The following SLC6A5 variants were observed in gnomAD, a reference collection of about 807,000 sequenced individuals.
SLC6A5 encodes sodium- and chloride-dependent glycine transporter 2.
In SLC6A5, 58 loss-of-function variants were observed where a neutral mutation model predicts 90.5. That is an observed-to-expected ratio of 0.64 (90% CI 0.52 to 0.80). The LOEUF (loss-of-function observed/expected upper bound fraction) is 0.80, where lower values mean the gene tolerates loss of function less well. Ranked by LOEUF, SLC6A5 falls within the 30% of genes least tolerant of loss-of-function variation. SLC6A5 has a pLI of 0.00. For missense variants in SLC6A5, 1,015 were observed against 1,017.6 expected, an observed-to-expected ratio of 1.00 and a Z score of 0.03; for synonymous variants, 427 against 401.4, an observed-to-expected ratio of 1.06 and a Z score of -0.76.
At chr11:20,602,750 T>G (rs557079719) in intron 2 of SLC6A5, among the ~76,000 whole-genome samples, 40 of 152,326 alleles carry the variant, frequency 2.6e-4, no homozygotes, top group African/African-American at 8.9e-4. Context: ...TAGCAGGAGC[T>G]TGTGGTGTCA....
chr11:20,617,794 C>T lies in SLC6A5; in HGVS notation c.1170C>T (p.Gly390=), dbSNP rs369546941. The T allele has an allele frequency of 1.9e-5, 31 of 1,614,038 alleles. No individual in the cohort carries two copies. The highest frequency in any genetic ancestry group is 3.3e-5 in the South Asian group (3 of 91,084). ...LKISAGIEYP[G]EIRWPLALCL... is the part of the protein sequence containing the mutation. Reference sequence around the variant, plus strand: ...TTTCTGCAGGGATTGAATATCCTGGCGAGATCAGGTGGCCACTAGCTCTCT... The same window carrying T: ...TTTCTGCAGGGATTGAATATCCTGGTGAGATCAGGTGGCCACTAGCTCTCT... The change falls in exon 7 of 16, where the codon GGC becomes GGT. Residue 390 remains glycine (G), a synonymous_variant. Transcript: ENST00000525748.
intron 13 of SLC6A5, among the ~76,000 whole-genome samples, chr11:20,640,115 G>A (rs1215583375): frequency 6.6e-6 from 1 of 152,180 alleles, no homozygotes; most frequent in Non-Finnish European, 1.5e-5. Context: ...AGCCTCCAAG[G>A]TCTTTCTTTG....
chr11:20,602,299 G>A (rs1427344521), intron 2 of SLC6A5, among the ~76,000 whole-genome samples: 4 of 151,984 alleles, frequency 2.6e-5, no homozygotes, highest in African/African-American at 9.7e-5. Flanking sequence ...TCCCTCAATT[G>A]TATAAGCTTC....
At chr11:20,649,179 A>G (rs531882289) in intron 14 of SLC6A5, among the ~76,000 whole-genome samples, 3 of 152,214 alleles carry the variant, frequency 2.0e-5, no homozygotes, top group Non-Finnish European at 4.4e-5. Context: ...TTCCTCAACT[A>G]TGTTGTGCTT....
chr11:20,610,500 G>A (rs1173675197), intron 5 of SLC6A5, among the ~76,000 whole-genome samples: 1 of 152,222 alleles, frequency 6.6e-6, no homozygotes, highest in Non-Finnish European at 1.5e-5. Context: ...GAGATTTGGT[G>A]TTTGCCCTCG....
chr11:20,636,267 A>G, intron 10 of SLC6A5, 40 bp from the exon 11 acceptor site: 1 of 1,277,040 alleles, frequency 7.8e-7, no homozygotes, highest in Non-Finnish European at 1.1e-6. Flanking sequence ...AGCAGCCTTG[A>G]GTAGGGCCTG....
chr11:20,607,385 G>A, intron 4 of SLC6A5, 94 bp from the exon 5 acceptor site: 9 of 1,412,440 alleles, frequency 6.4e-6, no homozygotes, highest in Non-Finnish European at 9.0e-6. Flanking sequence ...TTCTGTACAA[G>A]AGAGCCTAGA....
chr11:20,627,511 A>G (rs1201623470), intron 8 of SLC6A5, among the ~76,000 whole-genome samples: 2 of 152,250 alleles, frequency 1.3e-5, no homozygotes, highest in South Asian at 2.1e-4. Context: ...ACGTGACACT[A>G]TAAAGTCTGC....
intron 9 of SLC6A5, among the ~76,000 whole-genome samples, chr11:20,629,966 A>G (rs1853076922): frequency 6.6e-6 from 1 of 151,998 alleles, no homozygotes; most frequent in Non-Finnish European, 1.5e-5. Flanking sequence ...CAGGTGATCC[A>G]CCTGCCTTGG....
At chr11:20,652,211 A>G in intron 14 of SLC6A5, 78 bp from the exon 15 acceptor site, 1 of 1,308,930 alleles carries the variant, frequency 7.6e-7, no homozygotes, top group Non-Finnish European at 1.1e-6. Flanking sequence ...TCAAACTCAT[A>G]ACGGGGGTTT....
chr11:20,652,961 G>A (rs548492459), intron 15 of SLC6A5, among the ~76,000 whole-genome samples: 6 of 152,324 alleles, frequency 3.9e-5, no homozygotes, highest in African/African-American at 1.4e-4. Flanking sequence ...ACAGAATGTA[G>A]TGAGAATTTC....
intron 9 of SLC6A5, among the ~76,000 whole-genome samples, chr11:20,630,377 G>A (rs576385330): frequency 3.9e-5 from 6 of 152,304 alleles, no homozygotes; most frequent in African/African-American, 1.4e-4. Context: ...TCAAATTGTG[G>A]ATTAAGTTTC....
intron 1 of SLC6A5, 95 bp downstream of exon 1, chr11:20,599,770 C>A: frequency 1.4e-6 from 2 of 1,445,084 alleles, no homozygotes; most frequent in Non-Finnish European, 1.9e-6. Context: ...GATGTCTGTG[C>A]ATTGGGTGGG....
chr11:20,626,185 A>C (rs1310609716), intron 7 of SLC6A5, among the ~76,000 whole-genome samples: 1 of 152,230 alleles, frequency 6.6e-6, no homozygotes, highest in Non-Finnish European at 1.5e-5. Flanking sequence ...TAAATGTCTA[A>C]GGTCACACAG....
Position 20,639,047 on chromosome 11 carries a change from T to A in SLC6A5, c.1969+489T>A, listed in dbSNP as rs544949100. On this transcript the variant is annotated intron_variant, in intron 13 of 15. Coordinates refer to ENST00000525748, the MANE Select transcript of SLC6A5 (RefSeq NM_004211.5). ...AGCATCATAGGAGCCTGTGATGCAA[T>A]ATCTCAATCTCAGATTTTTCCAGGA... Among the ~76,000 whole-genome samples, 13 of 152,282 alleles carry A rather than the reference T, an allele frequency of 8.5e-5. No homozygotes were observed. In the South Asian group the frequency reaches 2.7e-3, roughly 32 times the overall value.
At chr11:20,600,412 A>G (rs372302499) in intron 1 of SLC6A5, among the ~76,000 whole-genome samples, 8 of 148,192 alleles carry the variant, frequency 5.4e-5, no homozygotes, top group Admixed American at 5.4e-4. Context: ...GAAGAAGAAG[A>G]CCTAAACAAA....
At chr11:20,639,856 G>T (rs927345525) in intron 13 of SLC6A5, among the ~76,000 whole-genome samples, 1 of 152,204 alleles carries the variant, frequency 6.6e-6, no homozygotes, top group Non-Finnish European at 1.5e-5. Context: ...GGAGAGTTTA[G>T]TTCCTGGCAA....
intron 14 of SLC6A5, among the ~76,000 whole-genome samples, chr11:20,648,304 C>A (rs1443617250): frequency 6.6e-6 from 1 of 152,144 alleles, no homozygotes; most frequent in Admixed American, 6.5e-5. Context: ...TTCTTTCCTT[C>A]CCTCCCTCTC....
intron 5 of SLC6A5, among the ~76,000 whole-genome samples, chr11:20,614,337 T>C (rs1275263073): frequency 1.3e-5 from 2 of 152,226 alleles, no homozygotes; most frequent in Non-Finnish European, 2.9e-5. Context: ...TGCTTCCTTA[T>C]TTTGAAAATG....
Sources: gnomAD v4.1 joint callset for allele counts (sites outside exome capture counted in the v4.1 genomes callset) on GRCh38, gnomAD v4.1.1 for gene constraint, MANE v1.5 for transcripts, NCBI Gene and HGNC (gene_info 2026-07-23, HGNC 2026-07-21) for gene names.